Variants in FRAS1 observed in about 807,000 individuals in gnomAD.
The protein encoded by FRAS1 is extracellular matrix organizing protein FRAS1.
In FRAS1, 290 loss-of-function variants were observed where a neutral mutation model predicts 435.2. The ratio of observed to expected loss-of-function variants is 0.67; its 90% CI spans 0.61 to 0.73. The LOEUF is 0.73. Ranked by LOEUF, FRAS1 falls within the 30% of genes least tolerant of loss-of-function variation. The pLI, the probability that FRAS1 is intolerant of heterozygous loss-of-function variation, is 0.00. For synonymous variants in FRAS1, 1,800 were observed against 1,851.0 expected (o/e 0.97, Z 0.71); for missense variants, 4,860 against 5,001.5 (o/e 0.97, Z 0.85).
At chr4:78,526,494 C>A (rs1333140007) in intron 69 of FRAS1, 47 bp from the exon 70 acceptor site, 2 of 1,279,092 alleles carry the variant, frequency 1.6e-6, no homozygotes, top group African/African-American at 1.5e-5. Context: ...AAGCCAGCAA[C>A]CTATCAGTTG....
At chr4:78,227,742 G>T (rs1190020558) in intron 2 of FRAS1, among the ~76,000 whole-genome samples, 1 of 152,340 alleles carries the variant, frequency 6.6e-6, no homozygotes, top group African/African-American at 2.4e-5. Context: ...CAAAGGTCTT[G>T]ACTGATGTAT....
intron 2 of FRAS1, among the ~76,000 whole-genome samples, chr4:78,087,069 AT>A (rs1741220241): frequency 6.6e-6 from 1 of 152,360 alleles, no homozygotes; most frequent in African/African-American, 2.4e-5. Context: ...CAAAAAGCCT[AT>A]CCACCATGAT....
At chr4:78,233,936 G>A (rs1305174699) in intron 2 of FRAS1, among the ~76,000 whole-genome samples, 1 of 152,178 alleles carries the variant, frequency 6.6e-6, no homozygotes, top group African/African-American at 2.4e-5. Context: ...AGGGCTTTGT[G>A]TAGCATTGAC....
At chr4:78,309,085 A>T (rs773603101) in intron 15 of FRAS1, among the ~76,000 whole-genome samples, 1 of 152,216 alleles carries the variant, frequency 6.6e-6, no homozygotes, top group African/African-American at 2.4e-5. Flanking sequence ...AGAAAAGTAG[A>T]ATCGAGGATG....
chr4:78,317,622 G>C, intron 17 of FRAS1, 114 bp downstream of exon 17: 1 of 956,308 alleles, frequency 1.0e-6, no homozygotes. Context: ...ATCTTTTATG[G>C]CTATCCATAC....
chr4:78,502,282 G>T (rs968491914), intron 61 of FRAS1, among the ~76,000 whole-genome samples: 1 of 152,110 alleles, frequency 6.6e-6, no homozygotes. Flanking sequence ...TGATCGGGAT[G>T]GCATTGTATC....
chr4:78,122,055 G>A (rs1476717920), intron 2 of FRAS1, among the ~76,000 whole-genome samples: 8 of 152,126 alleles, frequency 5.3e-5, no homozygotes, highest in Admixed American at 2.6e-4. Context: ...GTATACACGT[G>A]CCATGGTGGT....
rs138288882 is a variant in FRAS1, at chr4:78,451,970, G to A, written c.6583+79G>A. ...ATATAGTTTACACTTTGTTCACCTC[G>A]AGGCTCGAGTCCTTCCCTTTACCTA... On this transcript the variant is annotated intron_variant, in intron 46 of 73. Transcript: ENST00000512123. 596 of 1,431,080 alleles carry A rather than the reference G, an allele frequency of 4.2e-4. 4 individuals are homozygous for A. In the African/African-American group the frequency reaches 7.3e-3, roughly 17 times the overall value. 88.6% of individuals were successfully genotyped at this position (1,431,080 alleles called of 1,614,324 possible). A position where few individuals can be genotyped will look rare whatever the true frequency, so the allele number is the denominator to read the frequency against.
intron 4 of FRAS1, among the ~76,000 whole-genome samples, chr4:78,247,108 T>C (rs1725282238): frequency 1.3e-5 from 2 of 152,160 alleles, no homozygotes. Context: ...GCTGGTTAGC[T>C]CTGGGACCAC....
chr4:78,401,369 A>G lies in FRAS1; in HGVS notation c.4129+482A>G, dbSNP rs549629913. Among the ~76,000 whole-genome samples, 3 of 152,330 alleles carry G rather than the reference A, an allele frequency of 2.0e-5. No homozygotes were observed. In the East Asian group the frequency reaches 5.8e-4, roughly 29 times the overall value. ...AATAAGAAAACCTGAGAAATTTCCCATTATCATCACCCAGAAATGCTGGAT... is the reference window on the plus strand; with the variant it reads ...AATAAGAAAACCTGAGAAATTTCCCGTTATCATCACCCAGAAATGCTGGAT... On this transcript the variant is annotated intron_variant, in intron 30 of 73. Coordinates refer to ENST00000512123, the MANE Select transcript of FRAS1 (RefSeq NM_025074.7).
intron 45 of FRAS1, among the ~76,000 whole-genome samples, chr4:78,450,920 G>C (rs745824043): frequency 6.6e-6 from 1 of 151,852 alleles, no homozygotes; most frequent in Non-Finnish European, 1.5e-5. Context: ...TGGGGAAAAC[G>C]TAATCCACAG....
chr4:78,342,466 G>T (rs1314722377), intron 20 of FRAS1, among the ~76,000 whole-genome samples: 1 of 152,162 alleles, frequency 6.6e-6, no homozygotes, highest in Non-Finnish European at 1.5e-5. Context: ...AATGAACTGA[G>T]GTGAGAGGCA....
At chr4:78,373,946 T>A (rs1731613348) in intron 24 of FRAS1, among the ~76,000 whole-genome samples, 165 bp from the exon 25 acceptor site, 1 of 152,082 alleles carries the variant, frequency 6.6e-6, no homozygotes, top group African/African-American at 2.4e-5. Flanking sequence ...AGCTGGTAAG[T>A]ATCATAGTGA....
chr4:78,163,362 C>T (rs1282507479), intron 2 of FRAS1, among the ~76,000 whole-genome samples: 1 of 152,018 alleles, frequency 6.6e-6, no homozygotes, highest in Non-Finnish European at 1.5e-5. Context: ...TAATATTTCT[C>T]AGTGTTAAAG....
At chr4:78,136,931 G>A (rs905080847) in intron 2 of FRAS1, among the ~76,000 whole-genome samples, 6 of 152,210 alleles carry the variant, frequency 3.9e-5, no homozygotes, top group African/African-American at 1.4e-4. Context: ...TCGGTTTTGG[G>A]ATACAGGGGT....
intron 14 of FRAS1, among the ~76,000 whole-genome samples, chr4:78,300,285 C>T (rs1217045206): frequency 6.6e-6 from 1 of 152,160 alleles, no homozygotes; most frequent in Non-Finnish European, 1.5e-5. Context: ...TATCCTTAAA[C>T]TTATCCTGCA....
chr4:78,308,722 C>G (rs1337519287), intron 15 of FRAS1, among the ~76,000 whole-genome samples: 2 of 152,246 alleles, frequency 1.3e-5, no homozygotes, highest in African/African-American at 4.8e-5. Flanking sequence ...TTAGCACTTC[C>G]TTGAACCAGG....
intron 2 of FRAS1, among the ~76,000 whole-genome samples, chr4:78,232,367 G>T (rs1289454565): frequency 6.6e-6 from 1 of 151,266 alleles, no homozygotes; most frequent in African/African-American, 2.4e-5. Context: ...CTCACTGCAA[G>T]CTCCGCCTCC....
intron 14 of FRAS1, among the ~76,000 whole-genome samples, chr4:78,304,963 A>G (rs1271435877): frequency 6.6e-6 from 1 of 152,054 alleles, no homozygotes; most frequent in East Asian, 1.9e-4. Flanking sequence ...CAGGGTGTCA[A>G]TTTTGGATCT....
Sources: gnomAD v4.1 joint callset for allele counts (sites outside exome capture counted in the v4.1 genomes callset) on GRCh38, gnomAD v4.1.1 for gene constraint, MANE v1.5 for transcripts, NCBI Gene and HGNC (gene_info 2026-07-23, HGNC 2026-07-21) for gene names.